MTMR2: variants seen among roughly 807,000 people sequenced by gnomAD.
MTMR2 encodes phosphatidylinositol-3,5-bisphosphate 3-phosphatase MTMR2.
In MTMR2, 55 loss-of-function variants were observed where a neutral mutation model predicts 86.9. That is an observed-to-expected ratio of 0.63 (90% CI 0.51 to 0.79). The LOEUF (loss-of-function observed/expected upper bound fraction) is 0.79. Ranked by LOEUF, MTMR2 falls within the 30% of genes least tolerant of loss-of-function variation. The pLI is 0.00. For missense variants in MTMR2, 659 were observed against 772.3 expected, an observed-to-expected ratio of 0.85 and a Z score of 1.74; for synonymous variants, 241 against 266.8, an observed-to-expected ratio of 0.90 and a Z score of 0.94.
At chr11:95,910,791 C>T (rs1022572989) in intron 1 of MTMR2, among the ~76,000 whole-genome samples, 7 of 152,084 alleles carry the variant, frequency 4.6e-5, no homozygotes, top group East Asian at 3.9e-4. Context: ...TTTCTAGGAA[C>T]GCAAATTTTG....
rs114336434 is a variant in MTMR2 at position 95,844,986 on chromosome 11, T to C, written c.1353A>G (p.Lys451=). The C allele has an allele frequency of 3.2e-5, 51 of 1,613,898 alleles. No individual in the cohort carries two copies. In the African/African-American group the frequency reaches 6.3e-4, roughly 20 times the overall value. The change falls in exon 11 of 15, where the codon AAA becomes AAG. Residue 451 remains lysine, a synonymous_variant. Transcript: ENST00000346299. ...TIRGFEVLVE[K]EWLSFGHRFQ... ...ATCGATGTCCAAAACTTAGCCATTC[T>C]TTCTCCACAAGGACTTCAAATCCTC...
intron 3 of MTMR2, among the ~76,000 whole-genome samples, chr11:95,865,167 A>C (rs916380332): frequency 3.3e-5 from 5 of 152,198 alleles, no homozygotes; most frequent in Non-Finnish European, 7.3e-5. Context: ...TCAGAGAAGA[A>C]AGACATGAAG....
chr11:95,878,312 G>A (rs145754567), intron 2 of MTMR2, among the ~76,000 whole-genome samples: 9 of 150,858 alleles, frequency 6.0e-5, no homozygotes, highest in African/African-American at 1.7e-4. Context: ...AAGAGGTGAC[G>A]CAAAGGGGAT....
At chr11:95,869,617 T>C (rs903972740) in intron 2 of MTMR2, among the ~76,000 whole-genome samples, 6 of 152,194 alleles carry the variant, frequency 3.9e-5, no homozygotes, top group South Asian at 2.1e-4. Flanking sequence ...GCAAATCTTT[T>C]CCCTTTCTTT....
chr11:95,837,706 C>T (rs1321492106), intron 13 of MTMR2, among the ~76,000 whole-genome samples: 1 of 152,120 alleles, frequency 6.6e-6, no homozygotes, highest in Non-Finnish European at 1.5e-5. Flanking sequence ...GTAGGATATA[C>T]TTGGGAATTT....
At chr11:95,913,755 G>T (rs1441749734) in intron 1 of MTMR2, among the ~76,000 whole-genome samples, 1 of 151,862 alleles carries the variant, frequency 6.6e-6, no homozygotes, top group Non-Finnish European at 1.5e-5. Context: ...AGGGAAAGAG[G>T]AGGGGAAAAA....
intron 2 of MTMR2, among the ~76,000 whole-genome samples, chr11:95,883,038 G>A (rs568075090): frequency 1.6e-4 from 24 of 151,566 alleles, no homozygotes; most frequent in African/African-American, 4.1e-4. Context: ...GATCCACCGC[G>A]CCCGGCCAAA....
At chr11:95,899,843 G>A (rs1401013712) in intron 1 of MTMR2, among the ~76,000 whole-genome samples, 1 of 152,090 alleles carries the variant, frequency 6.6e-6, no homozygotes, top group Non-Finnish European at 1.5e-5. Context: ...GGGCTTTGTG[G>A]AGGCAAGAAA....
chr11:95,902,365 A>G (rs1866105845), intron 1 of MTMR2, among the ~76,000 whole-genome samples: 1 of 152,168 alleles, frequency 6.6e-6, no homozygotes, highest in African/African-American at 2.4e-5. Flanking sequence ...CAGCCTCTCC[A>G]ATACCATTAG....
At chr11:95,862,145 A>T in intron 4 of MTMR2, 43 bp from the exon 5 acceptor site, 1 of 1,544,596 alleles carries the variant, frequency 6.5e-7, no homozygotes, top group South Asian at 1.1e-5. Context: ...AGCAATTAAT[A>T]CTGTCCAATT....
intron 1 of MTMR2, among the ~76,000 whole-genome samples, chr11:95,892,993 T>C (rs865906763): frequency 1.1e-4 from 17 of 152,146 alleles, no homozygotes; most frequent in South Asian, 2.1e-4. Context: ...TACATTACTA[T>C]TAGTTTTGCA....
At chr11:95,847,130 G>A (rs750855381) in intron 10 of MTMR2, among the ~76,000 whole-genome samples, 2 of 152,092 alleles carry the variant, frequency 1.3e-5, no homozygotes, top group Non-Finnish European at 2.9e-5. Flanking sequence ...TGTGCTCTGC[G>A]AATGACTTAG....
In MTMR2 at chr11:95,924,071, G is replaced by T; in HGVS notation, c.-117C>A. ...CGCAGTCAGGCCAGCGCCGGCCCGGGAGGGAGACCGGAAGCGGCCATGTTC... is the reference window on the plus strand; with the variant it reads ...CGCAGTCAGGCCAGCGCCGGCCCGGTAGGGAGACCGGAAGCGGCCATGTTC... On this transcript the variant is annotated 5_prime_UTR_variant, in exon 1 of 15. Transcript: ENST00000346299. 1 of 1,347,242 alleles carries T rather than the reference G, an allele frequency of 7.4e-7. No individual in the cohort carries two copies. The highest frequency in any genetic ancestry group is 1.0e-6 in the Non-Finnish European group (1 of 965,740). 83.5% of individuals were successfully genotyped at this position (1,347,242 alleles called of 1,614,324 possible).
intron 1 of MTMR2, among the ~76,000 whole-genome samples, chr11:95,896,336 G>C (rs1255054593): frequency 3.4e-5 from 5 of 149,104 alleles, no homozygotes; most frequent in Admixed American, 6.7e-5. Context: ...TTTTTTTTGA[G>C]GCAGGGTCTT....
chr11:95,841,032 T>C (rs1238618552), intron 12 of MTMR2, among the ~76,000 whole-genome samples: 1 of 152,188 alleles, frequency 6.6e-6, no homozygotes, highest in African/African-American at 2.4e-5. Flanking sequence ...AGGTGTTTTC[T>C]CAGTCCCCTC....
intron 2 of MTMR2, among the ~76,000 whole-genome samples, chr11:95,871,964 T>C (rs1447967355): frequency 6.6e-6 from 1 of 152,218 alleles, no homozygotes; most frequent in South Asian, 2.1e-4. Context: ...GCTAGCCAGT[T>C]TTCCCAGCAC....
intron 11 of MTMR2, 36 bp from the exon 12 acceptor site, chr11:95,841,745 G>T: frequency 6.9e-7 from 1 of 1,447,718 alleles, no homozygotes; most frequent in Non-Finnish European, 9.7e-7. Flanking sequence ...GAACTTAGGG[G>T]GATTTTTCAT....
At chr11:95,844,686 C>T (rs1863696047) in intron 11 of MTMR2, among the ~76,000 whole-genome samples, 2 of 152,152 alleles carry the variant, frequency 1.3e-5, no homozygotes, top group Non-Finnish European at 2.9e-5. Flanking sequence ...TGCCCAGAAA[C>T]ACCCGTGGAC....
At position 95,857,601 on chromosome 11, in the gene MTMR2, G is replaced by A. The variant is rs1864258990; in HGVS notation, c.605C>T (p.Pro202Leu). The A allele has an allele frequency of 6.2e-7, 1 of 1,612,366 alleles. No homozygotes were observed. The highest frequency in any genetic ancestry group is 1.3e-5 in the African/African-American group (1 of 74,840). The change falls in exon 7 of 15, where the codon CCT (proline) becomes CTT (leucine). Residue 202 changes from proline to leucine, a missense_variant. Around this residue, in one of 3 missense-constraint regions of MTMR2, gnomAD observed 387 missense variants for 526.3 expected, o/e 0.74. Coordinates refer to ENST00000346299, the MANE Select transcript of MTMR2 (RefSeq NM_016156.6). Reference protein sequence around the residue: ...LFAFEYKEVFPENGWKLYDPL... With the variant: ...LFAFEYKEVFLENGWKLYDPL... ...GTCATATAGCTTCCACCCATTTTCA[G>A]GGAATACTTCTTTGTATTCAAAAGC...
Sources: gnomAD v4.1 joint callset for allele counts (sites outside exome capture counted in the v4.1 genomes callset) on GRCh38, gnomAD v4.1.1 for gene constraint, gnomAD v4.1.1 regional missense constraint, MANE v1.5 for transcripts, NCBI Gene and HGNC (gene_info 2026-07-23, HGNC 2026-07-21) for gene names.